Variants in RIMS2 observed in about 807,000 individuals in gnomAD.
RIMS2 encodes regulating synaptic membrane exocytosis 2, also known as regulating synaptic membrane exocytosis protein 2.
Under a neutral mutation model 174.4 loss-of-function variants are expected in RIMS2, and 59 were observed. The observed-to-expected ratio is 0.34, with a 90% CI of 0.27 to 0.42. RIMS2 has a LOEUF of 0.42. Ranked by LOEUF, RIMS2 falls within the 10% of genes least tolerant of loss-of-function variation. The pLI, the probability that RIMS2 is intolerant of heterozygous loss-of-function variation, is 1.00. For missense variants in RIMS2, 1,620 were observed against 1,666.3 expected (o/e 0.97, Z 0.48); for synonymous variants, 606 against 572.5 (o/e 1.06, Z -0.84).
intron 1 of RIMS2, among the ~76,000 whole-genome samples, chr8:103,678,953 T>C (rs1436321636): frequency 1.3e-5 from 2 of 151,994 alleles, no homozygotes; most frequent in Non-Finnish European, 2.9e-5. Flanking sequence ...GACTCAACAC[T>C]GTGAAGATGT....
intron 1 of RIMS2, among the ~76,000 whole-genome samples, chr8:103,625,542 T>C (rs1389623320): frequency 6.6e-6 from 1 of 152,178 alleles, no homozygotes; most frequent in Non-Finnish European, 1.5e-5. Flanking sequence ...TATTAATTTG[T>C]TTAGTCCTCA....
At chr8:104,101,484 A>G (rs1022143342) in intron 19 of RIMS2, among the ~76,000 whole-genome samples, 1 of 151,920 alleles carries the variant, frequency 6.6e-6, no homozygotes, top group African/African-American at 2.4e-5. Context: ...ATTTTTTACC[A>G]TTGTCTATTT....
intron 2 of RIMS2, among the ~76,000 whole-genome samples, chr8:103,725,664 A>C (rs1591160193): frequency 1.3e-5 from 2 of 152,216 alleles, no homozygotes; most frequent in Admixed American, 6.5e-5. Context: ...TGGCTATAAT[A>C]AAGCCACTAT....
At chr8:104,149,237 A>G (rs2134003861) in intron 19 of RIMS2, among the ~76,000 whole-genome samples, 1 of 152,336 alleles carries the variant, frequency 6.6e-6, no homozygotes, top group Non-Finnish European at 1.5e-5. Flanking sequence ...TGCTGTGAAG[A>G]TGACTTCTCA....
intron 1 of RIMS2, among the ~76,000 whole-genome samples, chr8:103,630,599 A>AAAGAAAC (rs1172112882): frequency 1.4e-5 from 2 of 147,784 alleles, no homozygotes; most frequent in East Asian, 3.9e-4. Flanking sequence ...AAAAAAAAAA[A>AAAGAAAC]AAGAAACAAA....
chr8:104,138,935 A>T (rs191967994), intron 19 of RIMS2, among the ~76,000 whole-genome samples: 125 of 152,238 alleles, frequency 8.2e-4, no homozygotes, highest in African/African-American at 2.9e-3. Flanking sequence ...TTTTGATTTG[A>T]TTTTTGTATA....
At chr8:103,977,475 A>G (rs1045940624) in intron 16 of RIMS2, 1 of 152,208 alleles carries the variant, frequency 6.6e-6, no homozygotes, top group Non-Finnish European at 1.5e-5. Flanking sequence ...GGAAAAACCA[A>G]AATGTTTTTG....
chr8:103,944,626 G>GT (rs1437223124), intron 14 of RIMS2, among the ~76,000 whole-genome samples: 2 of 152,002 alleles, frequency 1.3e-5, no homozygotes, highest in African/African-American at 2.4e-5. Flanking sequence ...CTGGTTAGCT[G>GT]TATGTGTCAT....
At chr8:104,113,878 T>C (rs1566488465) in intron 19 of RIMS2, among the ~76,000 whole-genome samples, 2 of 152,000 alleles carry the variant, frequency 1.3e-5, no homozygotes, top group African/African-American at 4.8e-5. Context: ...ACAATTCAGT[T>C]ATTTTTTTAA....
At chr8:104,086,512 T>C (rs1566279641) in intron 19 of RIMS2, among the ~76,000 whole-genome samples, 2 of 152,048 alleles carry the variant, frequency 1.3e-5, no homozygotes. Context: ...CTAATAGACA[T>C]TGAGTTCCCA....
intron 1 of RIMS2, among the ~76,000 whole-genome samples, chr8:103,676,043 T>C (rs890938593): frequency 2.0e-5 from 3 of 152,162 alleles, no homozygotes; most frequent in Non-Finnish European, 4.4e-5. Context: ...TATCACCATT[T>C]ATTCAACCCA....
At chr8:103,513,698 A>G (rs1237343412) in intron 1 of RIMS2, among the ~76,000 whole-genome samples, 1 of 152,182 alleles carries the variant, frequency 6.6e-6, no homozygotes, top group Non-Finnish European at 1.5e-5. Flanking sequence ...TTATCATAGG[A>G]GTAAAGTGAT....
At chr8:104,132,189 G>A (rs779359737) in intron 19 of RIMS2, among the ~76,000 whole-genome samples, 4 of 151,884 alleles carry the variant, frequency 2.6e-5, no homozygotes, top group African/African-American at 4.8e-5. Context: ...TGTTATTTTC[G>A]TGGATGGAAT....
intron 3 of RIMS2, among the ~76,000 whole-genome samples, chr8:103,775,195 C>T (rs2098299704): frequency 6.6e-6 from 1 of 151,992 alleles, no homozygotes; most frequent in Non-Finnish European, 1.5e-5. Flanking sequence ...TTCATGAAAT[C>T]ATGACCATGA....
chr8:103,879,678 C>T lies in RIMS2; in HGVS notation c.699-5620C>T, dbSNP rs146775178. On this transcript the variant is annotated intron_variant, in intron 3 of 23. Coordinates refer to ENST00000504942, the Ensembl canonical transcript of RIMS2. ...CTATACAAATAGTGGAATGGTACTA[C>T]CATATATTCCTAGACCCTCATTTAA... Among the ~76,000 whole-genome samples, 1,290 of 151,598 alleles carry T rather than the reference C, an allele frequency of 8.5e-3. 19 individuals are homozygous for T. Among genetic ancestry groups the T allele is most frequent in the African/African-American group, 0.029 (1,219 of 41,434 alleles).
chr8:103,845,304 A>G (rs1285965911), intron 3 of RIMS2, among the ~76,000 whole-genome samples: 1 of 152,102 alleles, frequency 6.6e-6, no homozygotes, highest in Non-Finnish European at 1.5e-5. Flanking sequence ...TGGTAGGAAA[A>G]GCAGAAGAAA....
At chr8:103,559,068 T>TTTTTTTTTTTTTTTTTTGGG in intron 1 of RIMS2, 1 of 147,784 alleles carries the variant, frequency 6.8e-6, no homozygotes, top group South Asian at 2.1e-4. Context: ...TTTTTTTTTT[T>TTTTTTTTTTTTTTTTTTGGG]GCTCTCTGAT....
intron 19 of RIMS2, among the ~76,000 whole-genome samples, chr8:104,133,556 AT>A (rs2098491255): frequency 6.6e-6 from 1 of 152,190 alleles, no homozygotes; most frequent in African/African-American, 2.4e-5. Context: ...ACACTGAAGA[AT>A]TTTAGTAGCA....
chr8:103,558,448 T>TC (rs2131862625), intron 1 of RIMS2, among the ~76,000 whole-genome samples: 1 of 152,306 alleles, frequency 6.6e-6, no homozygotes, highest in African/African-American at 2.4e-5. Context: ...GGTCTCAAAC[T>TC]CCAGGCCTCA....
Sources: allele counts gnomAD v4.1 joint callset (sites outside exome capture counted in the v4.1 genomes callset), GRCh38; gene constraint gnomAD v4.1.1; transcripts MANE v1.5; gene names NCBI Gene and HGNC (gene_info 2026-07-23, HGNC 2026-07-21).